The following ADAMTSL1 variants were observed in gnomAD, a reference collection of about 807,000 sequenced individuals.
The protein encoded by ADAMTSL1 is ADAMTS like 1.
In ADAMTSL1, 126 loss-of-function variants were observed where a neutral mutation model predicts 201.8. That is an observed-to-expected ratio of 0.62 (90% CI 0.54 to 0.72). The LOEUF (loss-of-function observed/expected upper bound fraction) is 0.72, where lower values mean the gene tolerates loss of function less well. Among genes scored for constraint, ADAMTSL1 ranks in the 30% least tolerant of loss-of-function variants. ADAMTSL1 has a pLI of 0.00. For missense variants in ADAMTSL1, 2,679 were observed against 2,277.8 expected (o/e 1.18, Z -3.59); for synonymous variants, 1,121 against 903.4 (o/e 1.24, Z -4.32).
At chr9:18,424,679 C>T (rs1290225885) in intron 2 of ADAMTSL1, among the ~76,000 whole-genome samples, 1 of 152,164 alleles carries the variant, frequency 6.6e-6, no homozygotes, top group Non-Finnish European at 1.5e-5. Context: ...CACTCACAGT[C>T]TAGAAAGAAG....
intron 7 of ADAMTSL1, among the ~76,000 whole-genome samples, chr9:18,654,930 C>G (rs1317202584): frequency 6.6e-6 from 1 of 152,232 alleles, no homozygotes; most frequent in Non-Finnish European, 1.5e-5. Flanking sequence ...CAGAGATACA[C>G]AGTAGTGGTT....
intron 1 of ADAMTSL1, among the ~76,000 whole-genome samples, chr9:18,108,460 A>G (rs562224): frequency 6.6e-6 from 1 of 152,090 alleles, no homozygotes; most frequent in South Asian, 2.1e-4. Flanking sequence ...TTGGCCTCCC[A>G]AAGTGTTGGG....
chr9:18,145,225 A>G lies in ADAMTSL1; in HGVS notation c.88-18637A>G, dbSNP rs1413813972. 7.2e-5 allele frequency among the ~76,000 whole-genome samples: 11 copies of G among 152,192 alleles called. No homozygotes were observed. The East Asian group carries it at 2.1e-3, about 29-fold the overall frequency. On this transcript the variant is annotated intron_variant, in intron 1 of 29. Coordinates refer to the ADAMTSL1 transcript ENST00000680146. Reference sequence around the variant, plus strand: ...AGACCATAAAGGTATATTAGTAACAAAAGAGTTGAGCGTTCTTAAGCAATA... The same window carrying G: ...AGACCATAAAGGTATATTAGTAACAGAAGAGTTGAGCGTTCTTAAGCAATA...
chr9:18,865,066 T>C (rs558117066), intron 23 of ADAMTSL1, among the ~76,000 whole-genome samples: 1 of 152,272 alleles, frequency 6.6e-6, no homozygotes, highest in Non-Finnish European at 1.5e-5. Context: ...ATACTTGAAG[T>C]TCTAGGGTAC....
At chr9:18,046,454 A>C (rs1045312062) in intron 1 of ADAMTSL1, among the ~76,000 whole-genome samples, 2 of 152,174 alleles carry the variant, frequency 1.3e-5, no homozygotes, top group Non-Finnish European at 2.9e-5. Context: ...ACATGACCAA[A>C]AAGTTGCATT....
At chr9:18,658,130 A>T (rs929137568) in intron 8 of ADAMTSL1, among the ~76,000 whole-genome samples, 1 of 151,942 alleles carries the variant, frequency 6.6e-6, no homozygotes, top group Non-Finnish European at 1.5e-5. Context: ...GCCCGCCACC[A>T]CGCCCGGCTA....
chr9:18,309,567 G>T (rs1233460511), intron 2 of ADAMTSL1, among the ~76,000 whole-genome samples: 1 of 152,114 alleles, frequency 6.6e-6, no homozygotes, highest in Non-Finnish European at 1.5e-5. Context: ...GCCAAATCAT[G>T]AGTGCACTCC....
intron 23 of ADAMTSL1, among the ~76,000 whole-genome samples, chr9:18,843,327 GA>G (rs1377683161): frequency 6.6e-6 from 1 of 150,940 alleles, no homozygotes; most frequent in Non-Finnish European, 1.5e-5. Flanking sequence ...ATTCTGGGTT[GA>G]AAATTCTTTT....
intron 1 of ADAMTSL1, among the ~76,000 whole-genome samples, chr9:18,145,045 C>T (rs1327034126): frequency 6.6e-6 from 1 of 152,104 alleles, no homozygotes; most frequent in Non-Finnish European, 1.5e-5. Flanking sequence ...GAGGAGATGG[C>T]CTCATTCTAG....
chr9:18,121,301 T>G (rs1380344042), intron 1 of ADAMTSL1, among the ~76,000 whole-genome samples: 1 of 152,188 alleles, frequency 6.6e-6, no homozygotes, highest in East Asian at 1.9e-4. Flanking sequence ...TATAAGACAT[T>G]TGAAGTACCA....
At chr9:18,674,670 T>A (rs1172983467) in intron 9 of ADAMTSL1, among the ~76,000 whole-genome samples, 1 of 152,086 alleles carries the variant, frequency 6.6e-6, no homozygotes, top group Non-Finnish European at 1.5e-5. Context: ...CATATTTATA[T>A]TGAATATATC....
chr9:18,758,423 C>T (rs977515733), intron 16 of ADAMTSL1, among the ~76,000 whole-genome samples: 5 of 152,220 alleles, frequency 3.3e-5, no homozygotes, highest in Admixed American at 2.6e-4. Context: ...AACTTACTCT[C>T]TTATAGTTCT....
chr9:18,791,891 C>T (rs1490791858), intron 19 of ADAMTSL1, among the ~76,000 whole-genome samples: 1 of 152,170 alleles, frequency 6.6e-6, no homozygotes, highest in Non-Finnish European at 1.5e-5. Flanking sequence ...ACCTCCCTTC[C>T]TTTCATCAGC....
intron 1 of ADAMTSL1, among the ~76,000 whole-genome samples, chr9:18,103,054 T>C (rs1339984405): frequency 6.6e-6 from 1 of 152,182 alleles, no homozygotes; most frequent in Admixed American, 6.6e-5. Context: ...CTTTTATATA[T>C]GTTGTCTGAA....
rs28641103 is a variant in ADAMTSL1 at position 18,258,022 on chromosome 9, G to T, written c.207+94041G>T. Among the ~76,000 whole-genome samples, 902 of 152,240 alleles carry T rather than the reference G, an allele frequency of 5.9e-3. 13 individuals carry two copies. The highest frequency in any genetic ancestry group is 0.033 in the East Asian group (169 of 5,172). On this transcript the variant is annotated intron_variant, in intron 2 of 29. Transcript: ENST00000680146. ...AATTTCTGTTTGGGATGATGAAAAA[G>T]TTTTTGGAAATAGATCTTGGTGATA...
chr9:18,564,653 TATA>T (rs1375206532), intron 3 of ADAMTSL1, among the ~76,000 whole-genome samples: 1 of 152,202 alleles, frequency 6.6e-6, no homozygotes, highest in Non-Finnish European at 1.5e-5. Flanking sequence ...ATTGTGTGCT[TATA>T]AAATGAAATT....
chr9:18,281,950 A>T (rs1832807264), intron 2 of ADAMTSL1, among the ~76,000 whole-genome samples: 1 of 152,074 alleles, frequency 6.6e-6, no homozygotes, highest in South Asian at 2.1e-4. Context: ...CCCGTAGGTT[A>T]TTTATTTTTT....
intron 2 of ADAMTSL1, among the ~76,000 whole-genome samples, chr9:18,357,278 C>T (rs1220591972): frequency 3.3e-5 from 5 of 151,726 alleles, no homozygotes; most frequent in Admixed American, 2.0e-4. Context: ...CAAAATAATC[C>T]TGTTGAAAAA....
chr9:18,726,734 A>G (rs1817917580), intron 15 of ADAMTSL1, among the ~76,000 whole-genome samples: 1 of 152,226 alleles, frequency 6.6e-6, no homozygotes, highest in Non-Finnish European at 1.5e-5. Flanking sequence ...GCTGAAAATG[A>G]AGGAAATTCC....
Sources: gnomAD v4.1 joint callset for allele counts (sites outside exome capture counted in the v4.1 genomes callset) on GRCh38, gnomAD v4.1.1 for gene constraint, MANE v1.5 for transcripts, NCBI Gene and HGNC (gene_info 2026-07-23, HGNC 2026-07-21) for gene names.